The following PLA2R1 variants were observed in gnomAD, a reference collection of about 807,000 sequenced individuals.
PLA2R1 encodes the protein phospholipase A2 receptor 1.
PLA2R1 carries 158 observed loss-of-function variants against 195.9 expected under a neutral mutation model. The observed-to-expected ratio is 0.81, with a 90% CI of 0.71 to 0.92. PLA2R1 has a LOEUF of 0.92. PLA2R1 is among the 40% of genes least tolerant of loss of function. PLA2R1 has a pLI of 0.00. For missense variants in PLA2R1, 1,626 were observed against 1,764.6 expected (o/e 0.92, Z 1.41); for synonymous variants, 586 against 598.2 (o/e 0.98, Z 0.30).
At chr2:160,005,029 G>C (rs949973777) in intron 11 of PLA2R1, among the ~76,000 whole-genome samples, 2 of 152,204 alleles carry the variant, frequency 1.3e-5, no homozygotes, top group African/African-American at 4.8e-5. Flanking sequence ...CTTAGACAGT[G>C]GGGGGTGCAG....
rs182807810 is a variant in PLA2R1, at chr2:159,954,531, T to A, written c.3301+668A>T. Among the ~76,000 whole-genome samples, 153 of 137,416 alleles carry A rather than the reference T, an allele frequency of 1.1e-3. 1 individual carries two copies. Among genetic ancestry groups the A allele is most frequent in the African/African-American group, 3.7e-3 (143 of 39,004 alleles). The allele number at this position is 137,416 out of a possible 152,430, so 90.2% of individuals were successfully genotyped here. A position where few individuals can be genotyped will look rare whatever the true frequency, so the allele number is the denominator to read the frequency against. Reference sequence around the variant, plus strand: ...AAATAAGTATATATATATATATATATAAATATATGCTAGGCTGCCCAGAGT... The same window carrying A: ...AAATAAGTATATATATATATATATAAAAATATATGCTAGGCTGCCCAGAGT... On this transcript the variant is annotated intron_variant, in intron 23 of 29. Transcript: ENST00000283243.
chr2:159,926,774 C>T, the PLA2R1 span, among the ~76,000 whole-genome samples: 2 of 152,110 alleles, frequency 1.3e-5, no homozygotes, highest in African/African-American at 4.8e-5. Flanking sequence ...TACCCCTTCC[C>T]CCCACCCAGC....
In PLA2R1 at chr2:159,939,208, C is replaced by A. The variant is rs1456130747; in HGVS notation, c.*2570G>T. On this transcript the variant is annotated 3_prime_UTR_variant, in exon 30 of 30. Coordinates refer to ENST00000283243, the MANE Select transcript of PLA2R1 (RefSeq NM_007366.5). ...AATTATAGCTATAAAATCTAGTTCA[C>A]ATTAAAAATACAGATGAGGCCAGGT... The A allele has an allele frequency of 6.6e-6, 1 of 151,940 alleles. No homozygotes were observed. The highest frequency in any genetic ancestry group is 6.6e-5 in the Admixed American group (1 of 15,258). 9.4% of individuals were successfully genotyped at this position (151,940 alleles called of 1,614,324 possible). A position where few individuals can be genotyped will look rare whatever the true frequency, so the allele number is the denominator to read the frequency against.
chr2:159,942,893 C>T (rs1687163089), intron 28 of PLA2R1, among the ~76,000 whole-genome samples: 2 of 151,908 alleles, frequency 1.3e-5, no homozygotes, highest in African/African-American at 4.8e-5. Context: ...CCTACTGATG[C>T]TCATTCACTC....
At position 159,933,879 on chromosome 2, in the gene PLA2R1, C is replaced by A. The variant is rs939726981; in HGVS notation, c.*7899G>T. On this transcript the variant is annotated 3_prime_UTR_variant, in exon 30 of 30. Transcript: ENST00000283243. The stretch of plus-strand genomic sequence containing the variant: ...AAGTAAATATTTTAGGCTTTGCAGG[C>A]CATTCGGTCTCTGTTGCAACCACTC... 5.9e-5 allele frequency: 9 copies of A among 152,272 alleles called. No individual in the cohort carries two copies. Among genetic ancestry groups the A allele is most frequent in the African/African-American group, 1.9e-4 (8 of 41,544 alleles). 9.4% of individuals were successfully genotyped at this position (152,272 alleles called of 1,614,324 possible).
intron 2 of PLA2R1, among the ~76,000 whole-genome samples, chr2:160,042,882 T>C (rs1271549022): frequency 9.0e-6 from 1 of 110,650 alleles, no homozygotes; most frequent in African/African-American, 3.1e-5. Flanking sequence ...AGAGAGAAAG[T>C]GAGAGAGAGG....
In PLA2R1 at chr2:160,062,036, C is replaced by T. The variant is rs1014699895; in HGVS notation, c.109+259G>A. Among the ~76,000 whole-genome samples, 4 of 152,222 alleles carry T rather than the reference C, an allele frequency of 2.6e-5. No homozygotes were observed. The South Asian group carries it at 8.3e-4, about 32-fold the overall frequency. On this transcript the variant is annotated intron_variant, in intron 1 of 29. Coordinates refer to ENST00000283243, the MANE Select transcript of PLA2R1 (RefSeq NM_007366.5). The stretch of plus-strand genomic sequence containing the variant: ...GAGGAGTTACCTGCGAGACCAAGCC[C>T]CCCCGCCCCCGCCGCCCGACCCCCG...
intron 2 of PLA2R1, among the ~76,000 whole-genome samples, chr2:160,043,302 A>C (rs1303236902): frequency 2.0e-5 from 3 of 151,972 alleles, no homozygotes; most frequent in Non-Finnish European, 4.4e-5. Context: ...GTGAAGCGAG[A>C]CAGCTGGCTG....
intron 15 of PLA2R1, 112 bp from the exon 16 acceptor site, chr2:159,976,832 T>G: frequency 2.5e-6 from 2 of 798,614 alleles, no homozygotes; most frequent in Non-Finnish European, 4.4e-6. Flanking sequence ...AAAACATCAC[T>G]TTAAAACAGG....
chr2:160,034,871 C>A (rs760612845), intron 3 of PLA2R1, among the ~76,000 whole-genome samples: 3 of 152,134 alleles, frequency 2.0e-5, no homozygotes, highest in Admixed American at 6.5e-5. Flanking sequence ...GAGTTCAAGA[C>A]CAGCCTGGGC....
At chr2:159,981,323 G>C (rs1313146141) in intron 13 of PLA2R1, among the ~76,000 whole-genome samples, 1 of 140,070 alleles carries the variant, frequency 7.1e-6, no homozygotes, top group East Asian at 2.0e-4. Flanking sequence ...CTAACTATGA[G>C]ATCTGGTATG....
chr2:159,985,052 T>G (rs1690231030), intron 12 of PLA2R1, among the ~76,000 whole-genome samples: 1 of 152,128 alleles, frequency 6.6e-6, no homozygotes, highest in African/African-American at 2.4e-5. Context: ...ACACCATGCA[T>G]TTGTTGACAT....
intron 12 of PLA2R1, among the ~76,000 whole-genome samples, chr2:159,986,917 C>A (rs960220792): frequency 6.6e-6 from 1 of 152,106 alleles, no homozygotes; most frequent in Non-Finnish European, 1.5e-5. Flanking sequence ...TAACAGATAT[C>A]AATCTTCATG....
intron 10 of PLA2R1, among the ~76,000 whole-genome samples, chr2:160,010,408 C>T (rs1377606616): frequency 1.3e-5 from 2 of 152,176 alleles, no homozygotes; most frequent in Admixed American, 6.5e-5. Context: ...GTTTTTCTTC[C>T]CCTCTCTATT....
At position 159,969,244 on chromosome 2, in the gene PLA2R1, A is replaced by C. The variant is rs1303414766; in HGVS notation, c.2764+12T>G. ...TTGTATTATAAACCCAAAAATGGGT[A>C]AGTAAAATAACCTGTTATAGAAGAA... On this transcript the variant is annotated intron_variant, in intron 19 of 29. Transcript: ENST00000283243. 7.1e-7 allele frequency: 1 copy of C among 1,403,000 alleles called. No homozygotes were observed. The highest frequency in any genetic ancestry group is 1.0e-6 in the Non-Finnish European group (1 of 992,678). 86.9% of individuals were successfully genotyped at this position (1,403,000 alleles called of 1,614,324 possible).
chr2:160,033,958 T>A (rs962241639), intron 3 of PLA2R1, among the ~76,000 whole-genome samples: 3 of 152,186 alleles, frequency 2.0e-5, no homozygotes, highest in Non-Finnish European at 4.4e-5. Flanking sequence ...GGCAACCAGC[T>A]GAAGTCTAGG....
At chr2:159,962,274 T>A (rs1214544947) in intron 20 of PLA2R1, among the ~76,000 whole-genome samples, 1 of 151,912 alleles carries the variant, frequency 6.6e-6, no homozygotes, top group African/African-American at 2.4e-5. Context: ...TCAACAGAAA[T>A]ATGAAAAAAT....
intron 6 of PLA2R1, among the ~76,000 whole-genome samples, chr2:160,023,518 G>C (rs542704372): frequency 6.6e-6 from 1 of 152,166 alleles, no homozygotes; most frequent in Non-Finnish European, 1.5e-5. Flanking sequence ...CCTCAGTTCC[G>C]AAAATTGTAT....
intron 14 of PLA2R1, among the ~76,000 whole-genome samples, 179 bp downstream of exon 14, chr2:159,979,651 T>C (rs1320951546): frequency 6.6e-6 from 1 of 152,140 alleles, no homozygotes; most frequent in Non-Finnish European, 1.5e-5. Flanking sequence ...CTCAGAACAA[T>C]ATGGCTAGCA....
Sources: gnomAD v4.1 joint callset for allele counts (sites outside exome capture counted in the v4.1 genomes callset) on GRCh38, gnomAD v4.1.1 for gene constraint, MANE v1.5 for transcripts, NCBI Gene and HGNC (gene_info 2026-07-23, HGNC 2026-07-21) for gene names.